Variants in CRLF2 observed in about 807,000 individuals in gnomAD.
CRLF2 encodes the protein cytokine receptor-like factor 2.
In CRLF2, 41 loss-of-function variants were observed where a neutral mutation model predicts 38.7. That is an observed-to-expected ratio of 1.06 (90% CI 0.83 to 1.37). The LOEUF (loss-of-function observed/expected upper bound fraction) is 1.37, where lower values mean the gene tolerates loss of function less well. Among genes scored for constraint, CRLF2 ranks in the 40% most tolerant of loss-of-function variants. The pLI, the probability that CRLF2 is intolerant of heterozygous loss-of-function variation, is 0.00. For synonymous variants in CRLF2, 140 were observed against 128.8 expected (o/e 1.09, Z -0.59); for missense variants, 377 against 322.2 (o/e 1.17, Z -1.30).
chrX:1,202,568 T>A, intron 3 of CRLF2, 33 bp from the exon 4 acceptor site: 1 of 1,613,424 alleles, frequency 6.2e-7, no homozygotes, highest in Non-Finnish European at 8.5e-7. Flanking sequence ...GCGACGTCCC[T>A]CCTCTCTGAG....
At position 1,190,663 on chromosome X, in the gene CRLF2, A is replaced by G. The variant is rs2086359151; in HGVS notation, c.*234T>C. 2.5e-6 allele frequency: 1 copy of G among 396,498 alleles called. No individual in the cohort carries two copies. Among genetic ancestry groups the G allele is most frequent in the Admixed American group, 4.4e-5 (1 of 22,664 alleles). The allele number at this position is 396,498 out of a possible 1,614,324, so 24.6% of individuals were successfully genotyped here. A position where few individuals can be genotyped will look rare whatever the true frequency, so the allele number is the denominator to read the frequency against. On this transcript the variant is annotated 3_prime_UTR_variant, in exon 8 of 8. Transcript: ENST00000400841. ...AAGGAACTGGGAGTAAATCTCCTGGAGCAATTGGCTCCCATCTGCCATCAA... is the reference window on the plus strand; with the variant it reads ...AAGGAACTGGGAGTAAATCTCCTGGGGCAATTGGCTCCCATCTGCCATCAA...
chrX:1,199,025 T>C, intron 4 of CRLF2: 1 of 440,684 alleles, frequency 2.3e-6, no homozygotes, highest in Non-Finnish European at 4.3e-6. Flanking sequence ...GGCGGGTGCC[T>C]GTAATCCCAG....
intron 6 of CRLF2, among the ~76,000 whole-genome samples, chrX:1,193,718 G>A (rs1217331454): frequency 7.1e-6 from 1 of 141,562 alleles, no homozygotes; most frequent in East Asian, 2.2e-4. Context: ...GGAGGTGGAG[G>A]TTTCAGTGAT....
intron 5 of CRLF2, among the ~76,000 whole-genome samples, chrX:1,197,385 C>A (rs139189770): frequency 1.3e-5 from 2 of 151,766 alleles, no homozygotes; most frequent in South Asian, 4.2e-4. Flanking sequence ...CAACACATCC[C>A]ACAGCCACCC....
chrX:1,211,885 GTGGATGGGTGGATGGATGGA>G (rs2086808700), intron 1 of CRLF2, among the ~76,000 whole-genome samples: 1 of 87,346 alleles, frequency 1.1e-5, no homozygotes, highest in Middle Eastern at 5.5e-3. Context: ...AGATGGATGG[GTGGATGGGTGGATGGATGGA>G]TGGATGTATT....
At chrX:1,192,744 CTTTCTTTCTTTCTTTCTTTCT>C in intron 7 of CRLF2, among the ~76,000 whole-genome samples, 1 of 117,018 alleles carries the variant, frequency 8.5e-6, no homozygotes, top group South Asian at 2.8e-4. Context: ...TTCTTTCTTT[CTTTCTTTCTTTCTTTCTTTCT>C]TTCCTTCCTT....
chrX:1,202,823 C>A (rs1372567909), intron 3 of CRLF2, among the ~76,000 whole-genome samples: 2 of 151,954 alleles, frequency 1.3e-5, no homozygotes, highest in African/African-American at 4.8e-5. Flanking sequence ...ATCCCAACTC[C>A]CCAGAAACTC....
At chrX:1,198,154 TCGAAGGCAGGACAC>T (rs2086525654) in intron 5 of CRLF2, among the ~76,000 whole-genome samples, 1 of 122,394 alleles carries the variant, frequency 8.2e-6, no homozygotes, top group African/African-American at 3.0e-5. Flanking sequence ...CCCTCCCACC[TCGAAGGCAGGACAC>T]CCTCCCTCCC....
intron 1 of CRLF2, among the ~76,000 whole-genome samples, chrX:1,210,221 C>T (rs2086773756): frequency 6.6e-6 from 1 of 152,052 alleles, no homozygotes; most frequent in Non-Finnish European, 1.5e-5. Context: ...TTTGATGTTT[C>T]AAGAGGTCTG....
intron 7 of CRLF2, among the ~76,000 whole-genome samples, chrX:1,192,756 CTTT>C (rs1211434319): frequency 0.011 from 1,290 of 113,992 alleles, 18 homozygotes; most frequent in Non-Finnish European, 0.016. Context: ...TTCTTTCTTT[CTTT>C]CTTTCTTTCC....
In CRLF2 at chrX:1,198,665, G is replaced by T; in HGVS notation, c.543C>A (p.Tyr181Ter). ...TIEGLDAEKC[Y>*]SFWVRVKAME... ...TAGCCTTCACCCTGACCCAGAAAGAGTAACACTTCTCGGCATCCAAGCCTT... is the reference window on the plus strand; with the variant it reads ...TAGCCTTCACCCTGACCCAGAAAGATTAACACTTCTCGGCATCCAAGCCTT... The change falls in exon 5 of 8, where the codon TAC (tyrosine) becomes TAA (stop). Residue 181 changes from tyrosine (Y) to a stop codon, truncating the protein, a stop_gained. Coordinates refer to ENST00000400841, the MANE Select transcript of CRLF2 (RefSeq NM_022148.4). LOFTEE classifies it high-confidence loss of function. 1 of 1,613,164 alleles carries T rather than the reference G, an allele frequency of 6.2e-7. No homozygotes were observed. Among genetic ancestry groups the T allele is most frequent in the Non-Finnish European group, 8.5e-7 (1 of 1,179,560 alleles).
At chrX:1,204,377 C>A (rs1569471318) in intron 3 of CRLF2, among the ~76,000 whole-genome samples, 1 of 149,432 alleles carries the variant, frequency 6.7e-6, no homozygotes, top group Admixed American at 6.7e-5. Flanking sequence ...TACAGGCATG[C>A]ACCACCAAGC....
At chrX:1,205,572 G>A (rs1460820265) in intron 3 of CRLF2, among the ~76,000 whole-genome samples, 3 of 152,080 alleles carry the variant, frequency 2.0e-5, no homozygotes, top group African/African-American at 4.8e-5. Flanking sequence ...ATACTGAAAA[G>A]CATGTTGAGC....
chrX:1,200,667 G>A lies in CRLF2; in HGVS notation c.483+1735C>T, dbSNP rs2086588333. 2.3e-5 allele frequency among the ~76,000 whole-genome samples: 2 copies of A among 86,030 alleles called. 1 individual carries two copies. Among genetic ancestry groups the A allele is most frequent in the Non-Finnish European group, 5.0e-5 (2 of 40,366 alleles). 56.4% of individuals were successfully genotyped at this position (86,030 alleles called of 152,430 possible). On this transcript the variant is annotated intron_variant, in intron 4 of 7. Coordinates refer to ENST00000400841, the MANE Select transcript of CRLF2 (RefSeq NM_022148.4). The stretch of plus-strand genomic sequence containing the variant: ...TGTATATATGTGTGGGTATATATAT[G>A]TGTATATAAGCTGTGTGTGTGTGTA...
At chrX:1,204,767 T>C (rs1454366898) in intron 3 of CRLF2, among the ~76,000 whole-genome samples, 1 of 150,172 alleles carries the variant, frequency 6.7e-6, no homozygotes, top group Non-Finnish European at 1.5e-5. Flanking sequence ...CCTCAAGTGA[T>C]CCGCCCGCCT....
chrX:1,203,683 G>A (rs1308659760), intron 3 of CRLF2, among the ~76,000 whole-genome samples: 1 of 152,192 alleles, frequency 6.6e-6, no homozygotes, highest in Non-Finnish European at 1.5e-5. Flanking sequence ...GGAGAGGCAG[G>A]AAGGATCCTC....
chrX:1,199,631 G>T (rs1305768201), intron 4 of CRLF2, among the ~76,000 whole-genome samples: 2 of 151,844 alleles, frequency 1.3e-5, no homozygotes, highest in Non-Finnish European at 2.9e-5. Context: ...GATATAAATG[G>T]ATATAAAGAT....
intron 3 of CRLF2, among the ~76,000 whole-genome samples, chrX:1,205,612 A>G (rs1411950671): frequency 6.6e-6 from 1 of 152,040 alleles, no homozygotes; most frequent in Non-Finnish European, 1.5e-5. Context: ...GTAATCATGG[A>G]TCCGGTTATT....
rs1378607145 is a variant in CRLF2, at chrX:1,212,424, AAAAAAAAAAAAAAAG to A, written c.79+117_79+131del. The A allele has an allele frequency of 1.1e-5, 6 of 564,436 alleles. No individual in the cohort carries two copies. The Admixed American group carries it at 1.1e-4, about 10-fold the overall frequency. 35.0% of individuals were successfully genotyped at this position (564,436 alleles called of 1,614,324 possible). ...GGAGAATTGCTTGAACCCGGAAAAAAAAAAAAAAAAAAAAGAAAAGAAGAAAGAAACCTCCATGCT... is the reference window on the plus strand; with the variant it reads ...GGAGAATTGCTTGAACCCGGAAAAAAAAAAGAAGAAAGAAACCTCCATGCT... On this transcript the variant is annotated intron_variant, in intron 1 of 7. Coordinates refer to ENST00000400841, the MANE Select transcript of CRLF2 (RefSeq NM_022148.4).
Sources: allele counts gnomAD v4.1 joint callset (sites outside exome capture counted in the v4.1 genomes callset), GRCh38; gene constraint gnomAD v4.1.1; transcripts MANE v1.5; gene names NCBI Gene and HGNC (gene_info 2026-07-23, HGNC 2026-07-21).